The following PCDHGA7 variants were observed in gnomAD, a reference collection of about 807,000 sequenced individuals.
PCDHGA7 encodes protocadherin gamma-A7.
PCDHGA7 carries 44 observed loss-of-function variants against 58.3 expected under a neutral mutation model. The observed-to-expected ratio is 0.75, with a 90% CI of 0.59 to 0.97. The LOEUF (loss-of-function observed/expected upper bound fraction) is 0.97. Among genes scored for constraint, PCDHGA7 ranks in the 50% least tolerant of loss-of-function variants. The pLI, the probability that PCDHGA7 is intolerant of heterozygous loss-of-function variation, is 0.00. For missense variants in PCDHGA7, 1,266 were observed against 1,188.7 expected (o/e 1.06, Z -0.96); for synonymous variants, 516 against 504.2 (o/e 1.02, Z -0.31).
At chr5:141,405,256 G>GATGTGATGCTCT (rs1316160577) in intron 1 of PCDHGA7, 2 of 1,614,050 alleles carry the variant, frequency 1.2e-6, no homozygotes, top group Non-Finnish European at 1.7e-6. Flanking sequence ...AGAGTCACCT[G>GATGTGATGCTCT]ATCTTCCCCC....
In PCDHGA7 at chr5:141,390,150, C is replaced by A. The variant is rs768850867; in HGVS notation, c.2424+4827C>A. The A allele has an allele frequency of 3.7e-6, 6 of 1,613,916 alleles. No homozygotes were observed. The African/African-American group carries it at 8.0e-5, about 22-fold the overall frequency. On this transcript the variant is annotated intron_variant, in intron 1 of 3. Transcript: ENST00000518325. ...TTATTCCTACAATCTATGTGTTGCA[C>A]ATACAGGAAAGACGGAGTTTAATTT...
At position 141,476,015 on chromosome 5, in the gene PCDHGA7, C is replaced by A; in HGVS notation, c.2425-18792C>A. The A allele has an allele frequency of 7.4e-7, 1 of 1,344,728 alleles. No individual in the cohort carries two copies. The highest frequency in any genetic ancestry group is 1.0e-6 in the Non-Finnish European group (1 of 992,700). The allele number at this position is 1,344,728 out of a possible 1,614,324, so 83.3% of individuals were successfully genotyped here. A position where few individuals can be genotyped will look rare whatever the true frequency, so the allele number is the denominator to read the frequency against. ...ATCAACGGCATCCAGAAAGCCATGT[C>A]GGACTCGGCGCCCAGCGCCCAAGCG... On this transcript the variant is annotated intron_variant, in intron 1 of 3. Coordinates refer to ENST00000518325, the MANE Select transcript of PCDHGA7 (RefSeq NM_018920.4). This position sits in a 1 kb window ranked among gnomAD's most constrained non-coding sequence, Gnocchi z 7.6.
In PCDHGA7 at chr5:141,477,244, G is replaced by T. The variant is rs367944211; in HGVS notation, c.2425-17563G>T. On this transcript the variant is annotated intron_variant, in intron 1 of 3. Coordinates refer to ENST00000518325, the MANE Select transcript of PCDHGA7 (RefSeq NM_018920.4). The surrounding 1 kb of genome is among the most constrained non-coding windows in gnomAD (Gnocchi z 4.9). ...GGACTGTCATCGCTTTGCTCAGTGT[G>T]ACTGACCTGGATGCTGGCGAGAACG... 9 of 1,614,190 alleles carry T rather than the reference G, an allele frequency of 5.6e-6. No homozygotes were observed. Among genetic ancestry groups the T allele is most frequent in the Non-Finnish European group, 7.6e-6 (9 of 1,180,052 alleles).
intron 1 of PCDHGA7, chr5:141,423,728 T>C (rs1312071121): frequency 9.4e-6 from 10 of 1,067,510 alleles, no homozygotes; most frequent in Non-Finnish European, 1.1e-5. Context: ...AGATGTTTTT[T>C]GAGCCTGTTA....
chr5:141,428,358 G>T, intron 1 of PCDHGA7: 1 of 565,492 alleles, frequency 1.8e-6, no homozygotes, highest in Non-Finnish European at 3.2e-6. Flanking sequence ...TGATTTTGGC[G>T]GTCGCCTTGC....
rs866649962 is a variant in PCDHGA7 at position 141,482,106 on chromosome 5, T to A, written c.2425-12701T>A. Reference sequence around the variant, plus strand: ...CTCCATCTCAAAAAAAAAAAAAAAATATCTAGAGATGGGAGAATCATATGG... The same window carrying A: ...CTCCATCTCAAAAAAAAAAAAAAAAAATCTAGAGATGGGAGAATCATATGG... On this transcript the variant is annotated intron_variant, in intron 1 of 3. Transcript: ENST00000518325. 2.5e-3 allele frequency among the ~76,000 whole-genome samples: 342 copies of A among 138,882 alleles called. 1 individual carries two copies. Among genetic ancestry groups the A allele is most frequent in the Middle Eastern group, 0.011 (3 of 272 alleles). 91.1% of individuals were successfully genotyped at this position (138,882 alleles called of 152,430 possible). A position where few individuals can be genotyped will look rare whatever the true frequency, so the allele number is the denominator to read the frequency against.
intron 1 of PCDHGA7, among the ~76,000 whole-genome samples, chr5:141,452,072 G>A (rs550370876): frequency 1.3e-5 from 2 of 152,272 alleles, no homozygotes; most frequent in East Asian, 1.9e-4. Flanking sequence ...ACTTTTATTA[G>A]TTGGCATTAT....
chr5:141,394,864 C>G lies in PCDHGA7; in HGVS notation c.2424+9541C>G. Reference sequence around the variant, plus strand: ...GGCAGTCTGAAGCCTTCGGTCGACCCGAACGATTCGAGCCTTACACTCTAT... The same window carrying G: ...GGCAGTCTGAAGCCTTCGGTCGACCGGAACGATTCGAGCCTTACACTCTAT... On this transcript the variant is annotated intron_variant, in intron 1 of 3. Coordinates refer to ENST00000518325, the MANE Select transcript of PCDHGA7 (RefSeq NM_018920.4). The G allele has an allele frequency of 1.2e-6, 2 of 1,613,780 alleles. No individual in the cohort carries two copies. The highest frequency in any genetic ancestry group is 1.7e-6 in the Non-Finnish European group (2 of 1,179,900).
chr5:141,388,886 A>G (rs542218864), intron 1 of PCDHGA7: 1 of 1,613,988 alleles, frequency 6.2e-7, no homozygotes, highest in Non-Finnish European at 8.5e-7. Flanking sequence ...TGGAGGTAGA[A>G]GTCATAGATG....
At position 141,382,899 on chromosome 5, in the gene PCDHGA7, T is replaced by C. The variant is rs148952660; in HGVS notation, c.-1T>C. On this transcript the variant is annotated 5_prime_UTR_variant, in exon 1 of 4. Transcript: ENST00000518325. ...GCCTAAGCAAGAGAAGCAGGACGAC[T>C]ATGGCGGCTCAGCCGAGGGGCGGGG... 463 of 1,541,826 alleles carry C rather than the reference T, an allele frequency of 3.0e-4. 2 individuals carry two copies. In the African/African-American group the frequency reaches 5.3e-3, roughly 18 times the overall value.
rs766227340 is a variant in PCDHGA7, at chr5:141,476,791, C to T, written c.2425-18016C>T. On this transcript the variant is annotated intron_variant, in intron 1 of 3. Transcript: ENST00000518325. The surrounding 1 kb of genome is among the most constrained non-coding windows in gnomAD (Gnocchi z 7.6). ...TGGACGGAGGGACCCCAGCTCTCTCCGCCAGCCTGCCTATTCACATCAAGG... is the reference window on the plus strand; with the variant it reads ...TGGACGGAGGGACCCCAGCTCTCTCTGCCAGCCTGCCTATTCACATCAAGG... 5.6e-6 allele frequency: 9 copies of T among 1,613,394 alleles called. No homozygotes were observed. Among genetic ancestry groups the T allele is most frequent in the Middle Eastern group, 1.6e-4 (1 of 6,084 alleles).
chr5:141,450,454 G>A (rs144071286), intron 1 of PCDHGA7, among the ~76,000 whole-genome samples: 3,498 of 151,958 alleles, frequency 0.023, 60 homozygotes, highest in Middle Eastern at 0.051. Flanking sequence ...ATGTTTCCTC[G>A]TGATTTTATA....
intron 1 of PCDHGA7, among the ~76,000 whole-genome samples, chr5:141,492,949 A>G (rs1470301496): frequency 6.6e-6 from 1 of 152,226 alleles, no homozygotes; most frequent in African/African-American, 2.4e-5. Flanking sequence ...GGAGGTGACC[A>G]AACTATCTGA....
Position 141,511,983 on chromosome 5 carries a change from G to C in PCDHGA7, c.*810G>C, listed in dbSNP as rs904146751. On this transcript the variant is annotated 3_prime_UTR_variant, in exon 4 of 4. Coordinates refer to ENST00000518325, the MANE Select transcript of PCDHGA7 (RefSeq NM_018920.4). ...AGGGAAGTGTGTGGATGTGGATGGT[G>C]GGGGCATGGACAAAGCTTGACACAT... 6.5e-6 allele frequency: 1 copy of C among 153,280 alleles called. No individual in the cohort carries two copies. The allele number at this position is 153,280 out of a possible 1,614,324, so 9.5% of individuals were successfully genotyped here.
intron 1 of PCDHGA7, among the ~76,000 whole-genome samples, chr5:141,472,136 A>T (rs1172420221): frequency 1.1e-4 from 17 of 152,262 alleles, no homozygotes; most frequent in Non-Finnish European, 2.5e-4. Flanking sequence ...AGTTAAAAAT[A>T]AAAGTTTCAT....
chr5:141,387,840 C>T, intron 1 of PCDHGA7: 2 of 1,597,864 alleles, frequency 1.3e-6, no homozygotes, highest in Non-Finnish European at 1.7e-6. Context: ...TTATTTGTAA[C>T]CCGGCGTCTC....
chr5:141,410,664 A>G, intron 1 of PCDHGA7: 1 of 1,570,058 alleles, frequency 6.4e-7, no homozygotes, highest in Non-Finnish European at 8.6e-7. Context: ...ATAGTCTACT[A>G]GTTTCTCATA....
intron 1 of PCDHGA7, chr5:141,415,337 G>A: frequency 1.2e-6 from 2 of 1,614,210 alleles, no homozygotes; most frequent in Non-Finnish European, 1.7e-6. Flanking sequence ...CACAGGCTGC[G>A]GCGCTGGCAC....
Position 141,383,310 on chromosome 5 carries a change from A to C in PCDHGA7, c.411A>C (p.Glu137Asp), listed in dbSNP as rs1779012544. Residue 137 changes from glutamate to aspartate, a missense_variant, in exon 1 of 4, where the codon GAA (glutamate) becomes GAC (aspartate). Glu to Asp is a conservative substitution (Grantham distance 45, BLOSUM62 2). Coordinates refer to ENST00000518325, the MANE Select transcript of PCDHGA7 (RefSeq NM_018920.4). ...ACGTTCCAAGATTCTTGACGGAAGA[A>C]ATAAATGTAAAAATAATGGAGAATA... ...NDNVPRFLTE[E>D]INVKIMENTA... 1 of 1,614,004 alleles carries C rather than the reference A, an allele frequency of 6.2e-7. No homozygotes were observed. Among genetic ancestry groups the C allele is most frequent in the Non-Finnish European group, 8.5e-7 (1 of 1,179,898 alleles).
Sources: gnomAD v4.1 joint callset for allele counts (sites outside exome capture counted in the v4.1 genomes callset) on GRCh38, gnomAD v4.1.1 for gene constraint, Gnocchi (gnomAD v3.1) non-coding constraint, MANE v1.5 for transcripts, NCBI Gene and HGNC (gene_info 2026-07-23, HGNC 2026-07-21) for gene names.